GPD2: variants seen among roughly 807,000 people sequenced by gnomAD.
The protein encoded by GPD2 is glycerol-3-phosphate dehydrogenase 2.
A neutral mutation model predicts 82.4 loss-of-function variants in GPD2; 54 were observed. The ratio of observed to expected loss-of-function variants is 0.66; its 90% CI spans 0.53 to 0.82. The LOEUF (loss-of-function observed/expected upper bound fraction) is 0.82. GPD2 is among the 40% of genes least tolerant of loss of function. The pLI is 0.00. For missense variants in GPD2, 748 were observed against 896.2 expected (o/e 0.83, Z 2.11); for synonymous variants, 288 against 306.1 (o/e 0.94, Z 0.62).
rs147461127 is a variant in GPD2, at chr2:156,468,294, C to T, written c.-8-7804C>T. On this transcript the variant is annotated intron_variant, in intron 1 of 16. Transcript: ENST00000438166. ...CTGTCAAGCTATCCATGATTACAGA[C>T]CCGTTTGCTAGGACCTTCTCTGATG... 1.2e-4 allele frequency among the ~76,000 whole-genome samples: 19 copies of T among 152,270 alleles called. No individual in the cohort carries two copies. In the East Asian group the frequency reaches 3.7e-3, roughly 29 times the overall value.
At chr2:156,461,028 G>A (rs1402823406) in intron 1 of GPD2, among the ~76,000 whole-genome samples, 2 of 152,052 alleles carry the variant, frequency 1.3e-5, no homozygotes, top group African/African-American at 4.8e-5. Context: ...CTCTCCTGGG[G>A]GTCATTGGTG....
chr2:156,400,609 T>C, the GPD2 span, among the ~76,000 whole-genome samples: 1 of 152,160 alleles, frequency 6.6e-6, no homozygotes, highest in African/African-American at 2.4e-5. Context: ...GAGGTCTGAA[T>C]GCACAGTGGA....
At chr2:156,400,846 G>A in the GPD2 span, among the ~76,000 whole-genome samples, 73 of 152,250 alleles carry the variant, frequency 4.8e-4, 1 homozygote, top group Middle Eastern at 6.8e-3. Context: ...CTCCAAATCA[G>A]CCGACGTTTG....
At chr2:156,567,267 T>A (rs1314087318) in intron 9 of GPD2, among the ~76,000 whole-genome samples, 4 of 152,092 alleles carry the variant, frequency 2.6e-5, no homozygotes, top group Non-Finnish European at 5.9e-5. Context: ...TCCAAGAAAC[T>A]ATTGACAAAT....
chr2:156,417,122 A>C, the GPD2 span, among the ~76,000 whole-genome samples: 1 of 152,198 alleles, frequency 6.6e-6, no homozygotes, highest in Non-Finnish European at 1.5e-5. Context: ...TCATTAAATT[A>C]AACTAAACTG....
chr2:156,572,045 GT>G (rs1337528566), intron 13 of GPD2, among the ~76,000 whole-genome samples: 1 of 152,056 alleles, frequency 6.6e-6, no homozygotes, highest in Non-Finnish European at 1.5e-5. Context: ...TTAACTTGCA[GT>G]CCTTGTTTTA....
chr2:156,550,490 G>T, intron 7 of GPD2, 112 bp from the exon 8 acceptor site: 1 of 1,038,676 alleles, frequency 9.6e-7, no homozygotes, highest in Non-Finnish European at 1.5e-6. Context: ...CACTTAGTGT[G>T]GTATGCAGTA....
intron 2 of GPD2, among the ~76,000 whole-genome samples, chr2:156,489,308 T>A (rs1302774660): frequency 6.6e-6 from 1 of 152,226 alleles, no homozygotes; most frequent in Non-Finnish European, 1.5e-5. Flanking sequence ...ATGATTTGGT[T>A]TTTAAGAAAG....
chr2:156,437,740 A>G (rs1682002910), intron 1 of GPD2, among the ~76,000 whole-genome samples: 1 of 152,222 alleles, frequency 6.6e-6, no homozygotes, highest in Admixed American at 6.5e-5. Context: ...AAACAGCATT[A>G]GAGCTCTGCT....
intron 1 of GPD2, among the ~76,000 whole-genome samples, chr2:156,460,791 C>A (rs906527462): frequency 2.7e-4 from 41 of 152,204 alleles, no homozygotes; most frequent in Admixed American, 2.5e-3. Flanking sequence ...GTGAGATGAA[C>A]AGTCTTTCAA....
intron 7 of GPD2, 105 bp from the exon 8 acceptor site, chr2:156,550,497 A>G (rs542778211): frequency 3.6e-6 from 4 of 1,107,144 alleles, no homozygotes; most frequent in Admixed American, 3.4e-5. Context: ...TGTGGTATGC[A>G]GTATACTTCA....
intron 6 of GPD2, among the ~76,000 whole-genome samples, chr2:156,546,155 C>T (rs761802685): frequency 3.9e-5 from 6 of 152,152 alleles, no homozygotes; most frequent in Admixed American, 3.9e-4. Flanking sequence ...AGAACAGAGT[C>T]GGAAACAGAT....
At chr2:156,477,237 C>A (rs1217997260) in intron 2 of GPD2, among the ~76,000 whole-genome samples, 1 of 152,090 alleles carries the variant, frequency 6.6e-6, no homozygotes, top group African/African-American at 2.4e-5. Context: ...TTGAGACCAG[C>A]CTGGACAATA....
At chr2:156,437,349 T>G (rs1478029458) in intron 1 of GPD2, among the ~76,000 whole-genome samples, 1 of 152,178 alleles carries the variant, frequency 6.6e-6, no homozygotes, top group African/African-American at 2.4e-5. Context: ...GTGAAGTTTC[T>G]TTTTGGCGTG....
At chr2:156,542,745 CT>C (rs1686370189) in intron 6 of GPD2, among the ~76,000 whole-genome samples, 2 of 152,088 alleles carry the variant, frequency 1.3e-5, no homozygotes, top group African/African-American at 4.8e-5. Flanking sequence ...TAATTGCCTC[CT>C]TTATGAATTT....
chr2:156,572,894 G>A (rs900774334), intron 13 of GPD2, among the ~76,000 whole-genome samples: 8 of 152,130 alleles, frequency 5.3e-5, no homozygotes, highest in Non-Finnish European at 1.0e-4. Context: ...TGGTTCTGGA[G>A]GCTGGGAAGT....
At chr2:156,531,647 G>A (rs933048671) in intron 6 of GPD2, among the ~76,000 whole-genome samples, 1 of 152,182 alleles carries the variant, frequency 6.6e-6, no homozygotes, top group Non-Finnish European at 1.5e-5. Flanking sequence ...CTGGGCTGAG[G>A]CCACTGAGTC....
At chr2:156,523,942 A>G (rs1685512959) in intron 6 of GPD2, among the ~76,000 whole-genome samples, 1 of 152,214 alleles carries the variant, frequency 6.6e-6, no homozygotes, top group Non-Finnish European at 1.5e-5. Context: ...CAACTCATAA[A>G]AAATAGACAA....
rs1687531481 is a variant in GPD2, at chr2:156,569,548, C to T, written c.1476+10C>T. On this transcript the variant is annotated intron_variant, in intron 11 of 16. Transcript: ENST00000438166. ...TGGACTTGAAAGCGAGGTGAGTGTG[C>T]ATTGCCACATCATCTTACTCTTTAC... 1 of 1,595,900 alleles carries T rather than the reference C, an allele frequency of 6.3e-7. No homozygotes were observed. Among genetic ancestry groups the T allele is most frequent in the East Asian group, 2.2e-5 (1 of 44,748 alleles).
Sources: allele counts gnomAD v4.1 joint callset (sites outside exome capture counted in the v4.1 genomes callset), GRCh38; gene constraint gnomAD v4.1.1; transcripts MANE v1.5; gene names NCBI Gene and HGNC (gene_info 2026-07-23, HGNC 2026-07-21).